The following ZXDC variants were observed in gnomAD, a reference collection of about 807,000 sequenced individuals.
The protein encoded by ZXDC is zinc finger protein ZXDC.
ZXDC carries 58 observed loss-of-function variants against 63.6 expected under a neutral mutation model. That is an observed-to-expected ratio of 0.91 (90% confidence interval 0.74 to 1.13). ZXDC has a LOEUF of 1.13. ZXDC is among the 50% of genes most tolerant of loss of function. The probability of loss-of-function intolerance (pLI) is 0.00; values close to 1 mark genes in which losing one functional copy is unlikely to be tolerated. For missense variants in ZXDC, 1,133 were observed against 1,148.9 expected (o/e 0.99, Z 0.20); for synonymous variants, 561 against 496.1 (o/e 1.13, Z -1.74).
At chr3:126,443,337 TCA>T (rs1329006039) in intron 7 of ZXDC, 1 of 152,230 alleles carries the variant, frequency 6.6e-6, no homozygotes, top group East Asian at 1.9e-4. Context: ...TCTACTTGCT[TCA>T]GACAGAAGAG....
Position 126,461,830 on chromosome 3 carries a change from C to G in ZXDC, c.1832G>C (p.Cys611Ser), listed in dbSNP as rs760794789. The change falls in exon 6 of 10, where the codon TGT becomes TCT. Residue 611 changes from cysteine (C) to serine (S), a missense_variant. Transcript: ENST00000389709. ...VQTVSAGALG[C>S]LVALPMKNLS... is the part of the protein sequence containing the mutation. ...GTTCTTCATGGGCAGAGCCACCAGA[C>G]AGCCTAATGCTCCTGCACTCACAGT... 5.0e-6 allele frequency: 8 copies of G among 1,614,066 alleles called. No homozygotes were observed. Among genetic ancestry groups the G allele is most frequent in the Non-Finnish European group, 6.8e-6 (8 of 1,180,030 alleles).
intron 6 of ZXDC, chr3:126,460,275 G>T: frequency 3.8e-6 from 2 of 525,020 alleles, no homozygotes. Flanking sequence ...GTACTCAGAG[G>T]ACATCAGCTG....
rs187472300 is a variant in ZXDC, at chr3:126,444,464, A to G, written c.2213-2518T>C. On this transcript the variant is annotated intron_variant, in intron 7 of 9. Coordinates refer to ENST00000389709, the MANE Select transcript of ZXDC (RefSeq NM_025112.5). ...GGAGAATGGCATGAACCCAGGAGGC[A>G]GAGCTTGCAGTGAGCCGAGATCATG... Among the ~76,000 whole-genome samples, 470 of 152,060 alleles carry G rather than the reference A, an allele frequency of 3.1e-3. 7 individuals carry two copies. Among genetic ancestry groups the G allele is most frequent in the East Asian group, 0.022 (113 of 5,168 alleles).
chr3:126,470,147 A>AAGG (rs1380511849), intron 4 of ZXDC, among the ~76,000 whole-genome samples: 1 of 152,162 alleles, frequency 6.6e-6, no homozygotes, highest in Admixed American at 6.5e-5. Flanking sequence ...CAGTGTTTTA[A>AAGG]AGGAAAAAAC....
intron 5 of ZXDC, among the ~76,000 whole-genome samples, chr3:126,465,580 G>A (rs960159203): frequency 6.6e-6 from 1 of 152,218 alleles, no homozygotes; most frequent in Non-Finnish European, 1.5e-5. Context: ...AAAAGTCCCA[G>A]TGAGAGACAC....
Position 126,452,503 on chromosome 3 carries a change from C to T in ZXDC, c.2212+7150G>A, listed in dbSNP as rs184682721. 3,213 of 985,388 alleles carry T rather than the reference C, an allele frequency of 3.3e-3. 7 individuals carry two copies. Among genetic ancestry groups the T allele is most frequent in the Non-Finnish European group, 3.7e-3 (3,044 of 829,922 alleles). 61.0% of individuals were successfully genotyped at this position (985,388 alleles called of 1,614,324 possible). A position where few individuals can be genotyped will look rare whatever the true frequency, so the allele number is the denominator to read the frequency against. On this transcript the variant is annotated intron_variant, in intron 7 of 9. Coordinates refer to ENST00000389709, the MANE Select transcript of ZXDC (RefSeq NM_025112.5). ...GGCTTCCAACTGCTCTCCCTGAAAC[C>T]TCCCATCCATTTTGTAAATCAAATA...
chr3:126,455,814 G>C (rs141124331), intron 7 of ZXDC, among the ~76,000 whole-genome samples: 214 of 151,956 alleles, frequency 1.4e-3, no homozygotes, highest in Non-Finnish European at 2.6e-3. Flanking sequence ...TGGCTAATAC[G>C]GTGAAACCCC....
intron 7 of ZXDC, chr3:126,451,829 C>A (rs1012822349): frequency 1.6e-5 from 16 of 985,226 alleles, no homozygotes; most frequent in Non-Finnish European, 1.9e-5. Context: ...AATGATTTAA[C>A]CTTGGGGCCT....
At chr3:126,459,613 C>T in intron 7 of ZXDC, 40 bp downstream of exon 7, 1 of 1,613,688 alleles carries the variant, frequency 6.2e-7, no homozygotes, top group Non-Finnish European at 8.5e-7. Context: ...AGAGAACCCT[C>T]AGGCCCTTGC....
intron 7 of ZXDC, among the ~76,000 whole-genome samples, chr3:126,456,493 TG>T (rs1427676323): frequency 6.6e-6 from 1 of 152,262 alleles, no homozygotes; most frequent in Non-Finnish European, 1.5e-5. Flanking sequence ...CAATGGTCTC[TG>T]GGTGCTGTCA....
Position 126,461,902 on chromosome 3 carries a change from G to A in ZXDC, c.1760C>T (p.Ala587Val). ...GCTGCCCTGCTGCAGAACCGTGGCT[G>A]CTGTCCCGAGAACCAGAGGGCTGTC... ...SLDSPLVLGT[A>V]ATVLQQGSFS... The change falls in exon 6 of 10, where the codon GCA becomes GTA. Residue 587 changes from alanine to valine, a missense_variant. Ala to Val is a moderately conservative substitution (Grantham distance 64, BLOSUM62 0). Coordinates refer to ENST00000389709, the MANE Select transcript of ZXDC (RefSeq NM_025112.5). 6.2e-7 allele frequency: 1 copy of A among 1,614,188 alleles called. No individual in the cohort carries two copies. The highest frequency in any genetic ancestry group is 8.5e-7 in the Non-Finnish European group (1 of 1,180,030).
chr3:126,466,818 G>A (rs911660248), intron 4 of ZXDC, among the ~76,000 whole-genome samples: 1 of 152,112 alleles, frequency 6.6e-6, no homozygotes. Context: ...AGACTGAGCA[G>A]GTGTCCTGGA....
intron 7 of ZXDC, chr3:126,451,398 G>A (rs942954561): frequency 2.2e-5 from 22 of 985,222 alleles, no homozygotes; most frequent in Admixed American, 1.8e-4. Flanking sequence ...AAACAGTCCC[G>A]CACTGAGCAG....
chr3:126,442,006 T>C, intron 7 of ZXDC, 60 bp from the exon 8 acceptor site: 4 of 1,476,598 alleles, frequency 2.7e-6, no homozygotes, highest in Admixed American at 4.5e-5. Flanking sequence ...AGGTCTGCCC[T>C]TACCAAGGTC....
At chr3:126,471,130 A>C in intron 3 of ZXDC, 105 bp from the exon 4 acceptor site, 1 of 1,453,692 alleles carries the variant, frequency 6.9e-7, no homozygotes, top group Non-Finnish European at 9.3e-7. Context: ...ATTTACAAAA[A>C]TGATCAGTAC....
rs376783171 is a variant in ZXDC, at chr3:126,475,622, G to A, written c.244C>T (p.Pro82Ser). The stretch of plus-strand genomic sequence containing the variant: ...GCCTCGGCGGCAGCGCCGCCGTGCG[G>A]CACTTCCAGCAGCACCAAGAAAGAG... ...GDSFLVLLEV[P>S]HGGAAAEAAG... Residue 82 changes from proline to serine, a missense_variant, in exon 1 of 10, where the codon CCG (proline) becomes TCG (serine). Transcript: ENST00000389709. The A allele has an allele frequency of 2.2e-5, 33 of 1,475,530 alleles. No individual in the cohort carries two copies. In the East Asian group the frequency reaches 6.3e-4, roughly 28 times the overall value. The allele number at this position is 1,475,530 out of a possible 1,614,324, so 91.4% of individuals were successfully genotyped here. A position where few individuals can be genotyped will look rare whatever the true frequency, so the allele number is the denominator to read the frequency against.
At chr3:126,441,013 G>T in intron 8 of ZXDC, 1 of 985,586 alleles carries the variant, frequency 1.0e-6, no homozygotes, top group Non-Finnish European at 1.2e-6. Flanking sequence ...GTGGAGTGGT[G>T]AAGAGGGGCA....
At chr3:126,457,379 A>G (rs1374217314) in intron 7 of ZXDC, 11 of 985,340 alleles carry the variant, frequency 1.1e-5, no homozygotes, top group Non-Finnish European at 1.3e-5. Context: ...GCGGGAAGAC[A>G]CCAGTGCCCT....
chr3:126,461,286 T>C (rs1303916565), intron 6 of ZXDC: 9 of 1,306,770 alleles, frequency 6.9e-6, no homozygotes, highest in Non-Finnish European at 8.8e-6. Context: ...GCCACAGGAC[T>C]CCAAAGGACC....
Sources: gnomAD v4.1 joint callset for allele counts (sites outside exome capture counted in the v4.1 genomes callset) on GRCh38, gnomAD v4.1.1 for gene constraint, MANE v1.5 for transcripts, NCBI Gene and HGNC (gene_info 2026-07-23, HGNC 2026-07-21) for gene names.